The following PDE4D variants were observed in gnomAD, a reference collection of about 807,000 sequenced individuals.
PDE4D encodes 3',5'-cyclic-AMP phosphodiesterase 4D.
Under a neutral mutation model 87.4 loss-of-function variants are expected in PDE4D, and 24 were observed. The ratio of observed to expected loss-of-function variants is 0.27; its 90% CI spans 0.20 to 0.39. PDE4D has a LOEUF of 0.39. Among genes scored for constraint, PDE4D ranks in the 10% least tolerant of loss-of-function variants. The pLI, the probability that PDE4D is intolerant of heterozygous loss-of-function variation, is 1.00. For missense variants in PDE4D, 714 were observed against 1,041.0 expected, an observed-to-expected ratio of 0.69 and a Z score of 4.32; for synonymous variants, 384 against 383.2, an observed-to-expected ratio of 1.00 and a Z score of -0.02.
intron 3 of PDE4D, among the ~76,000 whole-genome samples, chr5:59,933,629 A>C (rs1756222860): frequency 6.6e-6 from 1 of 152,188 alleles, no homozygotes; most frequent in Non-Finnish European, 1.5e-5. Context: ...ATTCCTAAGA[A>C]AATAACTTGC....
At chr5:60,336,101 C>A (rs1364844359) in intron 1 of PDE4D, among the ~76,000 whole-genome samples, 1 of 152,152 alleles carries the variant, frequency 6.6e-6, no homozygotes, top group East Asian at 1.9e-4. Context: ...CAAACACTGA[C>A]AACTTATTTC....
At chr5:60,240,038 T>C (rs1746903284) in intron 1 of PDE4D, among the ~76,000 whole-genome samples, 2 of 152,156 alleles carry the variant, frequency 1.3e-5, no homozygotes, top group Admixed American at 1.3e-4. Context: ...GCTGTAATGT[T>C]TCCAGTGGTT....
At chr5:59,899,463 A>C (rs1418954186) in intron 3 of PDE4D, among the ~76,000 whole-genome samples, 1 of 151,652 alleles carries the variant, frequency 6.6e-6, no homozygotes, top group Non-Finnish European at 1.5e-5. Flanking sequence ...TTATATATAC[A>C]TATGCATGCT....
chr5:59,668,368 G>T (rs1746424023), intron 1 of PDE4D, among the ~76,000 whole-genome samples: 1 of 152,118 alleles, frequency 6.6e-6, no homozygotes, highest in Non-Finnish European at 1.5e-5. Context: ...TTCCTCCTGG[G>T]ATTCCACTTA....
intron 3 of PDE4D, among the ~76,000 whole-genome samples, chr5:59,931,745 A>G (rs1423721325): frequency 8.0e-6 from 1 of 125,126 alleles, no homozygotes; most frequent in Non-Finnish European, 1.6e-5. Context: ...TCTGTCGCCC[A>G]GGCTGGAGTG....
chr5:59,093,550 TC>T (rs921058781), intron 5 of PDE4D, among the ~76,000 whole-genome samples: 1 of 152,196 alleles, frequency 6.6e-6, no homozygotes, highest in Non-Finnish European at 1.5e-5. Flanking sequence ...TACCCCCTAA[TC>T]ATGACCTTGG....
chr5:59,948,763 G>A (rs536765705), intron 3 of PDE4D, among the ~76,000 whole-genome samples: 233 of 152,202 alleles, frequency 1.5e-3, no homozygotes, highest in Non-Finnish European at 1.6e-3. Flanking sequence ...ACAGGAAAGA[G>A]CTGCCAATTA....
chr5:59,413,098 T>C (rs1046128754), intron 1 of PDE4D, among the ~76,000 whole-genome samples: 1 of 152,168 alleles, frequency 6.6e-6, no homozygotes, highest in Admixed American at 6.5e-5. Context: ...CCTGCCCTTT[T>C]TCAGGAAAAA....
chr5:59,656,775 T>C (rs1561417851), intron 1 of PDE4D, among the ~76,000 whole-genome samples: 1 of 152,132 alleles, frequency 6.6e-6, no homozygotes, highest in Non-Finnish European at 1.5e-5. Context: ...TTCTGCAGAG[T>C]TGCAATTGTG....
At chr5:59,232,511 C>CAAAA (rs34024693) in intron 1 of PDE4D, among the ~76,000 whole-genome samples, 281 of 141,826 alleles carry the variant, frequency 2.0e-3, no homozygotes, top group African/African-American at 5.7e-3. Flanking sequence ...ATTAAAAGAC[C>CAAAA]AAAAAAAAAA....
intron 2 of PDE4D, among the ~76,000 whole-genome samples, chr5:60,176,949 A>G (rs911550919): frequency 2.0e-5 from 3 of 152,162 alleles, no homozygotes; most frequent in Admixed American, 6.6e-5. Flanking sequence ...GAAGAAAGAC[A>G]TTTCACTGTG....
At chr5:59,711,338 T>G (rs1280588845) in intron 1 of PDE4D, among the ~76,000 whole-genome samples, 2 of 152,066 alleles carry the variant, frequency 1.3e-5, no homozygotes, top group African/African-American at 4.8e-5. Flanking sequence ...ACTGCAGTAT[T>G]TATCTTCTTT....
intron 5 of PDE4D, among the ~76,000 whole-genome samples, chr5:59,078,069 C>T (rs994095378): frequency 6.6e-6 from 1 of 152,126 alleles, no homozygotes; most frequent in African/African-American, 2.4e-5. Context: ...TCTCTTATAT[C>T]CATCTCCCTC....
intron 2 of PDE4D, among the ~76,000 whole-genome samples, chr5:60,137,595 A>C (rs2149411306): frequency 6.6e-6 from 1 of 152,038 alleles, no homozygotes; most frequent in Non-Finnish European, 1.5e-5. Flanking sequence ...TCTTCTTTTG[A>C]GAAGTGTCTG....
chr5:59,053,638 GT>G, intron 5 of PDE4D, among the ~76,000 whole-genome samples: 1 of 84,668 alleles, frequency 1.2e-5, no homozygotes, highest in East Asian at 9.3e-4. Context: ...AAGTTGTTTT[GT>G]TTTTTGTTTT....
At chr5:60,438,627 C>T (rs766864663) in intron 1 of PDE4D, among the ~76,000 whole-genome samples, 22 of 151,988 alleles carry the variant, frequency 1.4e-4, no homozygotes, top group Middle Eastern at 3.4e-3. Context: ...GAAATTAGGA[C>T]GTCTATTCAG....
intron 1 of PDE4D, among the ~76,000 whole-genome samples, chr5:59,882,222 A>C (rs1466588622): frequency 6.6e-6 from 1 of 152,178 alleles, no homozygotes; most frequent in East Asian, 1.9e-4. Flanking sequence ...ATCTTTCTTC[A>C]GTGTCTGTAG....
intron 2 of PDE4D, among the ~76,000 whole-genome samples, chr5:60,074,269 A>C (rs1773050863): frequency 6.6e-6 from 1 of 152,128 alleles, no homozygotes. Context: ...TTTCTGCTTT[A>C]ATTTCATTAT....
At chr5:60,423,424 C>G (rs1263719121) in intron 1 of PDE4D, among the ~76,000 whole-genome samples, 1 of 152,156 alleles carries the variant, frequency 6.6e-6, no homozygotes, top group Non-Finnish European at 1.5e-5. Flanking sequence ...GGAAACTGAA[C>G]AACCTACTCC....
Sources: allele counts gnomAD v4.1 joint callset (sites outside exome capture counted in the v4.1 genomes callset), GRCh38; gene constraint gnomAD v4.1.1; transcripts MANE v1.5; gene names NCBI Gene and HGNC (gene_info 2026-07-23, HGNC 2026-07-21).